The following GOLM2 variants were observed in gnomAD, a reference collection of about 807,000 sequenced individuals.
The protein encoded by GOLM2 is golgi membrane protein 2.
In GOLM2, 26 loss-of-function variants were observed where a neutral mutation model predicts 55.9. The observed-to-expected ratio is 0.47, with a 90% CI of 0.34 to 0.65. The LOEUF (loss-of-function observed/expected upper bound fraction) is 0.65, where lower values mean the gene tolerates loss of function less well. GOLM2 is among the 30% of genes least tolerant of loss of function. GOLM2 has a pLI of 0.01. For synonymous variants in GOLM2, 165 were observed against 194.6 expected, an observed-to-expected ratio of 0.85 and a Z score of 1.27; for missense variants, 486 against 531.8, an observed-to-expected ratio of 0.91 and a Z score of 0.85.
At chr15:44,378,938 G>A (rs1031056644) in intron 6 of GOLM2, among the ~76,000 whole-genome samples, 1 of 151,894 alleles carries the variant, frequency 6.6e-6, no homozygotes, top group African/African-American at 2.4e-5. Context: ...GTAGAGATGG[G>A]GTTTCACCTT....
rs538978894 is a variant in GOLM2, at chr15:44,302,966, A to T, written c.327+13610A>T. Among the ~76,000 whole-genome samples, 9 of 152,170 alleles carry T rather than the reference A, an allele frequency of 5.9e-5. No individual in the cohort carries two copies. In the South Asian group the frequency reaches 1.9e-3, roughly 32 times the overall value. On this transcript the variant is annotated intron_variant, in intron 1 of 9. Transcript: ENST00000299957. ...AAAAATACAAAAATTAGCCGGGCGT[A>T]GTGGCGGACGCCTGTAGTCCCAGCT...
intron 1 of GOLM2, 47 bp from the exon 2 acceptor site, chr15:44,322,918 C>G (rs1426683990): frequency 7.3e-7 from 1 of 1,368,494 alleles, no homozygotes; most frequent in East Asian, 2.5e-5. Context: ...AAAAAATGAA[C>G]AAAACTACAT....
At chr15:44,343,929 T>C (rs2079105323) in intron 6 of GOLM2, among the ~76,000 whole-genome samples, 1 of 151,978 alleles carries the variant, frequency 6.6e-6, no homozygotes. Flanking sequence ...CTAGAAATTA[T>C]GGTAGAGCAA....
intron 6 of GOLM2, among the ~76,000 whole-genome samples, chr15:44,369,066 ATTATATATATATATATATAT>A (rs201256344): frequency 1.7e-5 from 1 of 60,096 alleles, no homozygotes; most frequent in African/African-American, 7.5e-5. Context: ...AATAGGATAT[ATTATATATATATATATATAT>A]ATATATATAT....
chr15:44,310,487 T>C (rs958492461), intron 1 of GOLM2, among the ~76,000 whole-genome samples: 5 of 141,192 alleles, frequency 3.5e-5, no homozygotes, highest in African/African-American at 1.4e-4. Context: ...TATATATATA[T>C]ATACACACAC....
At chr15:44,320,531 C>T (rs560569788) in intron 1 of GOLM2, among the ~76,000 whole-genome samples, 18 of 152,240 alleles carry the variant, frequency 1.2e-4, no homozygotes, top group African/African-American at 3.4e-4. Context: ...TCTTGAACTG[C>T]TGGCCTCAAG....
rs2078697286 is a variant in GOLM2 at position 44,288,753 on chromosome 15, G to A, written c.-277G>A. The A allele has an allele frequency of 4.2e-6, 2 of 476,370 alleles. No individual in the cohort carries two copies. The highest frequency in any genetic ancestry group is 2.9e-5 in the South Asian group (1 of 34,600). The allele number at this position is 476,370 out of a possible 1,614,324, so 29.5% of individuals were successfully genotyped here. ...CAACCGTGAGGTGTTGGGTTTGGGG[G>A]ACGCTGGCAGCTGGGTTCTCCCGGT... On this transcript the variant is annotated 5_prime_UTR_variant, in exon 1 of 10. Coordinates refer to ENST00000299957, the MANE Select transcript of GOLM2 (RefSeq NM_138423.4).
intron 6 of GOLM2, among the ~76,000 whole-genome samples, chr15:44,369,273 C>T (rs542899265): frequency 1.4e-5 from 2 of 140,016 alleles, no homozygotes; most frequent in South Asian, 2.3e-4. Context: ...TGTACATATA[C>T]ATTCTTAGAT....
At chr15:44,401,266 A>T (rs2079563434) in intron 8 of GOLM2, among the ~76,000 whole-genome samples, 2 of 145,084 alleles carry the variant, frequency 1.4e-5, no homozygotes, top group Non-Finnish European at 3.0e-5. Flanking sequence ...CCCCTGGCTA[A>T]TTTTTTTTTT....
chr15:44,355,369 C>A, intron 6 of GOLM2: 1 of 167,358 alleles, frequency 6.0e-6, no homozygotes, highest in South Asian at 1.3e-4. Context: ...ATGGGGAGAT[C>A]ACTGGCATGG....
chr15:44,323,196 A>G (rs1447571421), intron 2 of GOLM2, among the ~76,000 whole-genome samples, 177 bp downstream of exon 2: 2 of 152,176 alleles, frequency 1.3e-5, no homozygotes, highest in Non-Finnish European at 2.9e-5. Context: ...ATGATGCTTT[A>G]TATATGATAA....
intron 2 of GOLM2, 51 bp from the exon 3 acceptor site, chr15:44,328,634 G>A (rs2079000592): frequency 3.3e-6 from 4 of 1,205,210 alleles, no homozygotes; most frequent in East Asian, 4.8e-5. Flanking sequence ...TGAATAGGAA[G>A]CATTACAATG....
At chr15:44,401,063 AT>A (rs982592343) in intron 8 of GOLM2, among the ~76,000 whole-genome samples, 2 of 151,826 alleles carry the variant, frequency 1.3e-5, no homozygotes, top group Admixed American at 6.6e-5. Flanking sequence ...GAAGCTGTTT[AT>A]TTTTTTTCCT....
chr15:44,294,748 A>G (rs1337071642), intron 1 of GOLM2, among the ~76,000 whole-genome samples: 1 of 151,264 alleles, frequency 6.6e-6, no homozygotes, highest in African/African-American at 2.4e-5. Context: ...CACAAAAAAA[A>G]ACAAAAATTA....
At chr15:44,300,562 C>T (rs1370897419) in intron 1 of GOLM2, among the ~76,000 whole-genome samples, 1 of 152,154 alleles carries the variant, frequency 6.6e-6, no homozygotes, top group Non-Finnish European at 1.5e-5. Context: ...GGTAAAAGGA[C>T]ATTCAAGGAG....
chr15:44,407,415 A>C (rs2079604895), intron 9 of GOLM2, among the ~76,000 whole-genome samples: 1 of 151,346 alleles, frequency 6.6e-6, no homozygotes, highest in Non-Finnish European at 1.5e-5. Flanking sequence ...ACAGGCATGC[A>C]CCACCACGGC....
chr15:44,311,290 T>C (rs1010026112), intron 1 of GOLM2, among the ~76,000 whole-genome samples: 9 of 152,156 alleles, frequency 5.9e-5, no homozygotes, highest in African/African-American at 2.2e-4. Flanking sequence ...TAACAGGTTT[T>C]ACTTCCCTAA....
intron 6 of GOLM2, among the ~76,000 whole-genome samples, chr15:44,368,309 T>TC (rs2079300206): frequency 6.7e-6 from 1 of 149,066 alleles, no homozygotes; most frequent in African/African-American, 2.5e-5. Context: ...AGCTATTTTT[T>TC]TTTTTTTTTT....
chr15:44,407,482 C>T (rs974414652), intron 9 of GOLM2, among the ~76,000 whole-genome samples: 4 of 151,738 alleles, frequency 2.6e-5, no homozygotes, highest in African/African-American at 9.7e-5. Context: ...TCCCATGTTT[C>T]CCAGGCTGGT....
Sources: allele counts gnomAD v4.1 joint callset (sites outside exome capture counted in the v4.1 genomes callset), GRCh38; gene constraint gnomAD v4.1.1; transcripts MANE v1.5; gene names NCBI Gene and HGNC (gene_info 2026-07-23, HGNC 2026-07-21).